Variants in ZNF526 observed in about 807,000 individuals in gnomAD.
ZNF526 encodes the protein zinc finger protein 526.
In ZNF526, 16 loss-of-function variants were observed where a neutral mutation model predicts 32.4. That is an observed-to-expected ratio of 0.49 (90% CI 0.33 to 0.75). ZNF526 has a LOEUF of 0.75. ZNF526 is among the 30% of genes least tolerant of loss of function. ZNF526 has a pLI of 0.02. For missense variants in ZNF526, 838 were observed against 920.7 expected, an observed-to-expected ratio of 0.91 and a Z score of 1.16; for synonymous variants, 355 against 363.4, an observed-to-expected ratio of 0.98 and a Z score of 0.26.
rs1386792622 is a variant in ZNF526 at position 42,224,905 on chromosome 19, G to A, written c.502G>A (p.Val168Ile). ...AAAGGCCCAGCACCTTTCTGCTACG[G>A]TAGCTGAGCCACCAGTGCCACCTCC... ...HRKAQHLSAT[V>I]AEPPVPPPLP... The change falls in exon 3 of 3, where the codon GTA becomes ATA. Residue 168 changes from valine (V) to isoleucine (I), a missense_variant. By Grantham distance (29) the Val-to-Ile change is conservative. Coordinates refer to ENST00000301215, the MANE Select transcript of ZNF526 (RefSeq NM_133444.3). The A allele has an allele frequency of 1.2e-6, 2 of 1,614,096 alleles. No individual in the cohort carries two copies. Among genetic ancestry groups the A allele is most frequent in the East Asian group, 2.2e-5 (1 of 44,878 alleles).
At position 42,226,912 on chromosome 19, in the gene ZNF526, G is replaced by A. The variant is rs1217060405; in HGVS notation, c.*496G>A. The A allele has an allele frequency of 4.1e-6, 1 of 244,512 alleles. No individual in the cohort carries two copies. The highest frequency in any genetic ancestry group is 8.7e-6 in the Non-Finnish European group (1 of 114,676). 15.1% of individuals were successfully genotyped at this position (244,512 alleles called of 1,614,324 possible). A position where few individuals can be genotyped will look rare whatever the true frequency, so the allele number is the denominator to read the frequency against. On this transcript the variant is annotated 3_prime_UTR_variant, in exon 3 of 3. Coordinates refer to ENST00000301215, the MANE Select transcript of ZNF526 (RefSeq NM_133444.3). ...TCATCTCAATTCTGACAGTGTGGAA[G>A]GAAATCTGTAGGTACCCAGGTCCTC...
rs1195838167 is a variant in ZNF526, at chr19:42,225,016, C to G, written c.613C>G (p.Leu205Val). The change falls in exon 3 of 3, where the codon CTC becomes GTC. Residue 205 changes from leucine (L) to valine (V), a missense_variant. By Grantham distance (32) the Leu-to-Val change is conservative. Coordinates refer to ENST00000301215, the MANE Select transcript of ZNF526 (RefSeq NM_133444.3). ...CTATGAGTGTCCTGAGTGCTCTACC[C>G]TCTGCGCCACCCCTGAGGAGTTCTT... ...EPYECPECST[L>V]CATPEEFLEH... 7.4e-6 allele frequency: 12 copies of G among 1,614,222 alleles called. No homozygotes were observed. The highest frequency in any genetic ancestry group is 1.0e-5 in the Non-Finnish European group (12 of 1,180,030).
In ZNF526 at chr19:42,226,633, T is replaced by C. The variant is rs1465527626; in HGVS notation, c.*217T>C. ...GGGAAACTGAAGCTCTGAAATGCGATGTGATCTGTACCAGGTCACCCAGCT... is the reference window on the plus strand; with the variant it reads ...GGGAAACTGAAGCTCTGAAATGCGACGTGATCTGTACCAGGTCACCCAGCT... On this transcript the variant is annotated 3_prime_UTR_variant, in exon 3 of 3. Transcript: ENST00000301215. 2.8e-6 allele frequency: 2 copies of C among 707,932 alleles called. No homozygotes were observed. Among genetic ancestry groups the C allele is most frequent in the Non-Finnish European group, 5.0e-6 (2 of 401,476 alleles). The allele number at this position is 707,932 out of a possible 1,614,324, so 43.9% of individuals were successfully genotyped here.
Position 42,225,091 on chromosome 19 carries a change from G to T in ZNF526, c.688G>T (p.Gly230Trp). 6.2e-7 allele frequency: 1 copy of T among 1,614,222 alleles called. No individual in the cohort carries two copies. ...CTCCCTAGAGAAAGAGGAGCGCAAT[G>T]GGTTGGAGGAGGAGGAAGAGGACGA... ...FDSLEKEERN[G>W]LEEEEEDDEE... Residue 230 changes from glycine (G) to tryptophan (W), a missense_variant, in exon 3 of 3, where the codon GGG becomes TGG. Gly to Trp is a radical substitution (Grantham distance 184). Transcript: ENST00000301215.
chr19:42,221,648 AAAAT>A, intron 1 of ZNF526, among the ~76,000 whole-genome samples: 1 of 152,016 alleles, frequency 6.6e-6, no homozygotes, highest in African/African-American at 2.4e-5. Flanking sequence ...AAAGTAAAAT[AAAAT>A]AAATAAAAAT....
chr19:42,226,088 T>C lies in ZNF526; in HGVS notation c.1685T>C (p.Leu562Pro). 1 of 1,606,400 alleles carries C rather than the reference T, an allele frequency of 6.2e-7. No homozygotes were observed. Among genetic ancestry groups the C allele is most frequent in the Non-Finnish European group, 8.5e-7 (1 of 1,179,982 alleles). ...GTCGCCTTTGCCCGCGCCCCCCGCC[T>C]CCCCATCACTGGTCTCTACAACAAG... ...RPVAFARAPR[L>P]PITGLYNKSP... is the part of the protein sequence containing the mutation. The change falls in exon 3 of 3, where the codon CTC becomes CCC. Residue 562 changes from leucine (L) to proline (P), a missense_variant. Coordinates refer to ENST00000301215, the MANE Select transcript of ZNF526 (RefSeq NM_133444.3).
Position 42,225,114 on chromosome 19 carries a change from CGAT to C in ZNF526, c.714_716del (p.Asp238del), listed in dbSNP as rs1568462249. On this transcript the variant is annotated inframe_deletion, in exon 3 of 3. Transcript: ENST00000301215. ...ATGGGTTGGAGGAGGAGGAAGAGGA[CGAT>C]GAGGAGGATGAAGAAGATGATGAAG... The C allele has an allele frequency of 1.2e-6, 2 of 1,613,976 alleles. No homozygotes were observed. Among genetic ancestry groups the C allele is most frequent in the African/African-American group, 1.3e-5 (1 of 74,942 alleles).
In ZNF526 at chr19:42,225,647, C is replaced by A; in HGVS notation, c.1244C>A (p.Ala415Glu). 1 of 1,612,958 alleles carries A rather than the reference C, an allele frequency of 6.2e-7. No homozygotes were observed. The highest frequency in any genetic ancestry group is 8.5e-7 in the Non-Finnish European group (1 of 1,179,296). ...HRRTHAGKSGAPPTGATAPPA... is the reference protein window; with the variant it reads ...HRRTHAGKSGEPPTGATAPPA... ...CGCACTCACGCCGGCAAAAGCGGGGCACCTCCCACAGGAGCAACAGCTCCC... is the reference window on the plus strand; with the variant it reads ...CGCACTCACGCCGGCAAAAGCGGGGAACCTCCCACAGGAGCAACAGCTCCC... The change falls in exon 3 of 3, where the codon GCA becomes GAA. Residue 415 changes from alanine to glutamate, a missense_variant. Ala to Glu is a moderately radical substitution (Grantham distance 107, BLOSUM62 -1). Transcript: ENST00000301215.
intron 1 of ZNF526, 84 bp from the exon 2 acceptor site, chr19:42,224,131 C>G (rs1291782463): frequency 2.3e-6 from 1 of 434,906 alleles, no homozygotes. Context: ...TGCACTCCAG[C>G]TTGGGTGACA....
chr19:42,225,362 T>G lies in ZNF526; in HGVS notation c.959T>G (p.Leu320Arg). ...CGCAGTTTCAGCTCCGCCAACCGGCTGCAGGCTCATGGGCGGGCCCATGTT... is the reference window on the plus strand; with the variant it reads ...CGCAGTTTCAGCTCCGCCAACCGGCGGCAGGCTCATGGGCGGGCCCATGTT... ...CQRSFSSANR[L>R]QAHGRAHVGG... The change falls in exon 3 of 3, where the codon CTG becomes CGG. Residue 320 changes from leucine to arginine, a missense_variant. Coordinates refer to ENST00000301215, the MANE Select transcript of ZNF526 (RefSeq NM_133444.3). 1 of 1,613,990 alleles carries G rather than the reference T, an allele frequency of 6.2e-7. No individual in the cohort carries two copies. The highest frequency in any genetic ancestry group is 8.5e-7 in the Non-Finnish European group (1 of 1,180,012).
intron 1 of ZNF526, among the ~76,000 whole-genome samples, chr19:42,222,982 C>T (rs990815564): frequency 6.6e-6 from 1 of 152,200 alleles, no homozygotes; most frequent in Admixed American, 6.5e-5. Flanking sequence ...GTCAGTACTA[C>T]TTTTAGCCCC....
At position 42,226,107 on chromosome 19, in the gene ZNF526, C is replaced by T; in HGVS notation, c.1704C>T (p.Tyr568=). 1.2e-6 allele frequency: 2 copies of T among 1,605,896 alleles called. No homozygotes were observed. Among genetic ancestry groups the T allele is most frequent in the Non-Finnish European group, 1.7e-6 (2 of 1,179,868 alleles). Residue 568 remains tyrosine (Y), a synonymous_variant, in exon 3 of 3, where the codon TAC becomes TAT. Coordinates refer to ENST00000301215, the MANE Select transcript of ZNF526 (RefSeq NM_133444.3). Reference sequence around the variant, plus strand: ...CCCGCCTCCCCATCACTGGTCTCTACAACAAGAGTCCCTACTACTGCGGGA... The same window carrying T: ...CCCGCCTCCCCATCACTGGTCTCTATAACAAGAGTCCCTACTACTGCGGGA... ...RAPRLPITGL[Y]NKSPYYCGTC...
chr19:42,221,142 G>A (rs534498073), intron 1 of ZNF526, among the ~76,000 whole-genome samples: 1 of 152,286 alleles, frequency 6.6e-6, no homozygotes, highest in Non-Finnish European at 1.5e-5. Context: ...TGTGTTTTGG[G>A]AATTCACAGT....
At position 42,225,887 on chromosome 19, in the gene ZNF526, C is replaced by T. The variant is rs377301487; in HGVS notation, c.1484C>T (p.Thr495Met). The T allele has an allele frequency of 6.2e-6, 10 of 1,614,074 alleles. No individual in the cohort carries two copies. Among genetic ancestry groups the T allele is most frequent in the African/African-American group, 4.0e-5 (3 of 74,948 alleles). Residue 495 changes from threonine (T) to methionine (M), a missense_variant, in exon 3 of 3, where the codon ACG becomes ATG. Thr to Met is a moderately conservative substitution (Grantham distance 81). Coordinates refer to ENST00000301215, the MANE Select transcript of ZNF526 (RefSeq NM_133444.3). The part of the protein sequence containing the change: ...IHVRNHLRTH[T>M]GERPFQCHSC... ...GTGCGCAACCACCTGCGGACACACA[C>T]GGGTGAGAGGCCCTTCCAGTGCCAC... is the stretch of plus-strand genomic sequence containing the variant.
chr19:42,220,804 C>T (rs541549517), intron 1 of ZNF526, among the ~76,000 whole-genome samples: 4 of 152,336 alleles, frequency 2.6e-5, no homozygotes, highest in African/African-American at 9.6e-5. Flanking sequence ...GGGCAAATTT[C>T]AAGTCTCCCG....
At position 42,224,308 on chromosome 19, in the gene ZNF526, G is replaced by T; in HGVS notation, c.-18+3G>T. On this transcript the variant is annotated splice_donor_region_variant and intron_variant, in intron 2 of 2. Transcript: ENST00000301215. Reference sequence around the variant, plus strand: ...TAAGACTTCCTGAGCGATAGCTGGTGAGTAGTGGGATGTGCAAGAGAATTC... The same window carrying T: ...TAAGACTTCCTGAGCGATAGCTGGTTAGTAGTGGGATGTGCAAGAGAATTC... The T allele has an allele frequency of 9.9e-7, 1 of 1,006,878 alleles. No individual in the cohort carries two copies. Among genetic ancestry groups the T allele is most frequent in the Non-Finnish European group, 1.6e-6 (1 of 640,372 alleles). The allele number at this position is 1,006,878 out of a possible 1,614,324, so 62.4% of individuals were successfully genotyped here.
In ZNF526 at chr19:42,224,846, T is replaced by C; in HGVS notation, c.443T>C (p.Leu148Pro). ...IQYQCWDCQE[L>P]FPSPELWVAH... The stretch of plus-strand genomic sequence containing the variant: ...TACCAGTGCTGGGACTGCCAGGAGC[T>C]GTTCCCCTCGCCCGAGCTGTGGGTG... The change falls in exon 3 of 3, where the codon CTG becomes CCG. Residue 148 changes from leucine (L) to proline (P), a missense_variant. Transcript: ENST00000301215. 6.2e-7 allele frequency: 1 copy of C among 1,613,552 alleles called. No individual in the cohort carries two copies. Among genetic ancestry groups the C allele is most frequent in the Non-Finnish European group, 8.5e-7 (1 of 1,179,986 alleles).
At chr19:42,224,354 C>T in intron 2 of ZNF526, 33 bp from the exon 3 acceptor site, 1 of 1,549,828 alleles carries the variant, frequency 6.5e-7, no homozygotes, top group Non-Finnish European at 8.9e-7. Flanking sequence ...TGGTTTCCTG[C>T]TGTCTCACTG....
intron 1 of ZNF526, among the ~76,000 whole-genome samples, chr19:42,223,974 A>ATATATATATATATATATATATATATAT (rs2036146387): frequency 9.0e-6 from 1 of 110,624 alleles, no homozygotes; most frequent in Admixed American, 1.0e-4. Flanking sequence ...TCTCTACTAA[A>ATATATATATATATATATATATATATAT]ATATATATAT....
Sources: gnomAD v4.1 joint callset for allele counts (sites outside exome capture counted in the v4.1 genomes callset) on GRCh38, gnomAD v4.1.1 for gene constraint, MANE v1.5 for transcripts, NCBI Gene and HGNC (gene_info 2026-07-23, HGNC 2026-07-21) for gene names.